The following JPH3 variants were observed in gnomAD, a reference collection of about 807,000 sequenced individuals.
JPH3 encodes the protein junctophilin-3.
JPH3 carries 11 observed loss-of-function variants against 59.6 expected under a neutral mutation model. The ratio of observed to expected loss-of-function variants is 0.18; its 90% CI spans 0.12 to 0.31. The LOEUF (loss-of-function observed/expected upper bound fraction) is 0.31. Ranked by LOEUF, JPH3 falls within the 10% of genes least tolerant of loss-of-function variation. JPH3 has a pLI of 1.00. For missense variants in JPH3, 1,202 were observed against 1,105.7 expected (o/e 1.09, Z -1.24); for synonymous variants, 673 against 483.6 (o/e 1.39, Z -5.14).
intron 2 of JPH3, among the ~76,000 whole-genome samples, chr16:87,655,301 C>T (rs2032460447): frequency 6.6e-6 from 1 of 152,170 alleles, no homozygotes; most frequent in East Asian, 1.9e-4. Flanking sequence ...CTTCACTTTG[C>T]TGAGCCTCTG....
chr16:87,617,964 A>G (rs1473731125), intron 1 of JPH3, among the ~76,000 whole-genome samples: 3 of 151,860 alleles, frequency 2.0e-5, no homozygotes, highest in East Asian at 3.9e-4. Context: ...GGAGTTTGAG[A>G]CCAGCCTGGG....
Position 87,644,281 on chromosome 16 carries a change from G to A in JPH3, c.406G>A (p.Gly136Ser), listed in dbSNP as rs149647215. 2.2e-3 allele frequency: 3,606 copies of A among 1,610,654 alleles called. 14 individuals carry two copies. Among genetic ancestry groups the A allele is most frequent in the Middle Eastern group, 2.6e-3 (16 of 6,054 alleles). The part of the protein sequence containing the change: ...DGGTYQGQWV[G>S]GMRQGYGVRQ... ...AGGGACCTACCAGGGCCAGTGGGTC[G>A]GTGGCATGCGCCAGGGCTACGGCGT... Residue 136 changes from glycine to serine, a missense_variant, in exon 2 of 5, where the codon GGT becomes AGT. Transcript: ENST00000284262.
In JPH3 at chr16:87,627,896, T is replaced by A. The variant is rs553588406; in HGVS notation, c.383-16362T>A. ...GGCACCCTGCAGGCCACCCCGCCCC[T>A]CGCAGGGGTTTCCACTAACCCTGCT... On this transcript the variant is annotated intron_variant, in intron 1 of 4. Coordinates refer to ENST00000284262, the MANE Select transcript of JPH3 (RefSeq NM_020655.4). 3.9e-5 allele frequency among the ~76,000 whole-genome samples: 6 copies of A among 152,296 alleles called. 1 individual carries two copies. In the East Asian group the frequency reaches 9.7e-4, roughly 25 times the overall value.
chr16:87,644,931 C>A lies in JPH3; in HGVS notation c.1056C>A (p.Ile352=). ...ILVGGKRKNL[I]PLRASKIREK... ...TCGGCGGCAAGCGCAAGAACCTCAT[C>A]CCCCTGCGGGCCAGCAAGATCCGCG... Residue 352 remains isoleucine, a synonymous_variant, in exon 2 of 5, where the codon ATC becomes ATA. Coordinates refer to ENST00000284262, the MANE Select transcript of JPH3 (RefSeq NM_020655.4). 2.5e-6 allele frequency: 4 copies of A among 1,612,552 alleles called. No individual in the cohort carries two copies. The highest frequency in any genetic ancestry group is 2.5e-6 in the Non-Finnish European group (3 of 1,179,926).
At chr16:87,635,338 G>A (rs1013610969) in intron 1 of JPH3, among the ~76,000 whole-genome samples, 1 of 152,196 alleles carries the variant, frequency 6.6e-6, no homozygotes, top group African/African-American at 2.4e-5. Context: ...TAAAGTTTTG[G>A]GAAGAGTGTC....
At chr16:87,604,162 G>T in intron 1 of JPH3, 1 of 1,376,152 alleles carries the variant, frequency 7.3e-7, no homozygotes, top group South Asian at 1.3e-5. Flanking sequence ...CTCAGTGAGA[G>T]CCCAGGAATC....
intron 2 of JPH3, among the ~76,000 whole-genome samples, chr16:87,681,145 A>C (rs1048625429): frequency 2.6e-5 from 4 of 151,350 alleles, no homozygotes; most frequent in Non-Finnish European, 4.4e-5. Context: ...CGGTGATGAC[A>C]GTTCCGGAAG....
chr16:87,644,466 G>C lies in JPH3; in HGVS notation c.591G>C (p.Val197=). 6.2e-7 allele frequency: 1 copy of C among 1,612,746 alleles called. No individual in the cohort carries two copies. Among genetic ancestry groups the C allele is most frequent in the Non-Finnish European group, 8.5e-7 (1 of 1,179,758 alleles). ...CGGCCGTGTCCCGCGGGGGCTTCGT[G>C]CTCGTGGCCCACAGTGACTCCGAGA... ...GSPAVSRGGF[V]LVAHSDSEIL... is the part of the protein sequence containing the mutation. Residue 197 remains valine (V), a synonymous_variant, in exon 2 of 5, where the codon GTG becomes GTC. Coordinates refer to ENST00000284262, the MANE Select transcript of JPH3 (RefSeq NM_020655.4).
chr16:87,604,624 G>C (rs1000101857), intron 1 of JPH3: 17 of 1,197,384 alleles, frequency 1.4e-5, no homozygotes, highest in Non-Finnish European at 1.7e-5. Context: ...AAAATCCTGA[G>C]CGTACGTGTG....
At chr16:87,628,467 C>T (rs977832556) in intron 1 of JPH3, among the ~76,000 whole-genome samples, 65 of 152,330 alleles carry the variant, frequency 4.3e-4, no homozygotes, top group African/African-American at 1.4e-3. Context: ...AGCTGGCCTT[C>T]GTGAGTGATG....
At chr16:87,638,305 C>G (rs1036715322) in intron 1 of JPH3, among the ~76,000 whole-genome samples, 1 of 152,182 alleles carries the variant, frequency 6.6e-6, no homozygotes, top group Non-Finnish European at 1.5e-5. Flanking sequence ...AATGATTCTC[C>G]TGTCTCAGCT....
At chr16:87,672,744 G>T (rs1213183396) in intron 2 of JPH3, among the ~76,000 whole-genome samples, 1 of 152,228 alleles carries the variant, frequency 6.6e-6, no homozygotes. Flanking sequence ...AATGGGTGGT[G>T]GTGCGGAATG....
At chr16:87,640,265 G>A (rs147378974) in intron 1 of JPH3, among the ~76,000 whole-genome samples, 93 of 151,572 alleles carry the variant, frequency 6.1e-4, no homozygotes, top group African/African-American at 2.2e-3. Flanking sequence ...GGAGGCAAAG[G>A]TTACAGTGAG....
At chr16:87,656,197 G>A (rs994158562) in intron 2 of JPH3, among the ~76,000 whole-genome samples, 5 of 152,230 alleles carry the variant, frequency 3.3e-5, no homozygotes, top group Admixed American at 6.5e-5. Flanking sequence ...TGCAGGTGCC[G>A]TGACACCTAT....
At chr16:87,616,196 G>GTT (rs2030954001) in intron 1 of JPH3, among the ~76,000 whole-genome samples, 1 of 85,192 alleles carries the variant, frequency 1.2e-5, no homozygotes, top group Non-Finnish European at 3.0e-5. Flanking sequence ...GGTTTTGTGT[G>GTT]TGTGTGTGTG....
In JPH3 at chr16:87,657,588, T is replaced by C. The variant is rs144462259; in HGVS notation, c.1160+12553T>C. Among the ~76,000 whole-genome samples, 227 of 152,324 alleles carry C rather than the reference T, an allele frequency of 1.5e-3. 1 individual carries two copies. Among genetic ancestry groups the C allele is most frequent in the African/African-American group, 5.2e-3 (217 of 41,554 alleles). On this transcript the variant is annotated intron_variant, in intron 2 of 4. Transcript: ENST00000284262. ...AAAATCATATATAGAAAGGATGTTG[T>C]ATTAAACGAGAAAAACTCATTTCTC... is the stretch of plus-strand genomic sequence containing the variant.
intron 2 of JPH3, among the ~76,000 whole-genome samples, chr16:87,659,264 C>G (rs910703095): frequency 6.6e-6 from 1 of 151,334 alleles, no homozygotes; most frequent in African/African-American, 2.4e-5. Flanking sequence ...GTAATCCCAG[C>G]TACTCAGGAA....
Position 87,603,465 on chromosome 16 carries a change from T to C in JPH3, c.319T>C (p.Tyr107His). The change falls in exon 1 of 5, where the codon TAC becomes CAC. Residue 107 changes from tyrosine (Y) to histidine (H), a missense_variant. Physicochemically the swap from Tyr to His is moderately conservative, Grantham distance 83 (BLOSUM62 2). Transcript: ENST00000284262. ...GGAGTGCGCGGGCAACGGGGCCAAATACGAAGGGACCTGGAGCAACGGGCT... is the reference window on the plus strand; with the variant it reads ...GGAGTGCGCGGGCAACGGGGCCAAACACGAAGGGACCTGGAGCAACGGGCT... ...VRECAGNGAK[Y>H]EGTWSNGLQD... 1 of 1,560,092 alleles carries C rather than the reference T, an allele frequency of 6.4e-7. No individual in the cohort carries two copies. Among genetic ancestry groups the C allele is most frequent in the Non-Finnish European group, 8.7e-7 (1 of 1,152,902 alleles).
intron 1 of JPH3, among the ~76,000 whole-genome samples, chr16:87,635,243 C>T (rs1425710772): frequency 6.6e-6 from 1 of 152,188 alleles, no homozygotes; most frequent in Non-Finnish European, 1.5e-5. Context: ...AGGTGTTGAC[C>T]TGGGGCATCT....
Sources: allele counts gnomAD v4.1 joint callset (sites outside exome capture counted in the v4.1 genomes callset), GRCh38; gene constraint gnomAD v4.1.1; transcripts MANE v1.5; gene names NCBI Gene and HGNC (gene_info 2026-07-23, HGNC 2026-07-21).